The following MYO1H variants were observed in gnomAD, a reference collection of about 807,000 sequenced individuals.
MYO1H encodes the protein myosin IH.
In MYO1H, 118 loss-of-function variants were observed where a neutral mutation model predicts 149.3. The observed-to-expected ratio is 0.79, with a 90% CI of 0.68 to 0.92. The LOEUF is 0.92. Among genes scored for constraint, MYO1H ranks in the 40% least tolerant of loss-of-function variants. MYO1H has a pLI of 0.00. For synonymous variants in MYO1H, 447 were observed against 465.2 expected, an observed-to-expected ratio of 0.96 and a Z score of 0.50; for missense variants, 1,212 against 1,280.7, an observed-to-expected ratio of 0.95 and a Z score of 0.82.
At chr12:109,380,362 A>G (rs1156668011) in intron 1 of MYO1H, among the ~76,000 whole-genome samples, 1 of 151,776 alleles carries the variant, frequency 6.6e-6, no homozygotes, top group East Asian at 1.9e-4. Flanking sequence ...CAATCCGCTG[A>G]CATAAACGGT....
rs34450261 is a variant in MYO1H at position 109,374,859 on chromosome 12, A to ATTT, written c.13-13814_13-13812dup. ...ATTTCATATTTGTATTGGCCATTTG[A>ATTT]TTTTTTTTTTTTCGAGACGAAGTCT... On this transcript the variant is annotated intron_variant, in intron 1 of 31. Transcript: ENST00000310903. Among the ~76,000 whole-genome samples, 169 of 146,876 alleles carry ATTT rather than the reference A, an allele frequency of 1.2e-3. 1 individual carries two copies. Among genetic ancestry groups the ATTT allele is most frequent in the African/African-American group, 4.0e-3 (158 of 39,868 alleles).
At chr12:109,362,421 C>CT (rs1389845377) in intron 1 of MYO1H, among the ~76,000 whole-genome samples, 1 of 152,120 alleles carries the variant, frequency 6.6e-6, no homozygotes, top group Admixed American at 6.5e-5. Flanking sequence ...AAGGTACTAT[C>CT]TTTTTTAACT....
intron 25 of MYO1H, 92 bp downstream of exon 25, chr12:109,440,919 T>C (rs1435609673): frequency 1.1e-6 from 1 of 920,192 alleles, no homozygotes; most frequent in African/African-American, 1.6e-5. Flanking sequence ...ATTTCACCTA[T>C]AAGCGGGGGT....
At chr12:109,419,218 T>A (rs373738332) in intron 15 of MYO1H, among the ~76,000 whole-genome samples, 6 of 146,056 alleles carry the variant, frequency 4.1e-5, no homozygotes, top group African/African-American at 1.0e-4. Context: ...ACACACACAC[T>A]CACTCATACT....
At chr12:109,346,734 C>G (rs1184778780), upstream of MYO1H, among the ~76,000 whole-genome samples, 1 of 151,950 alleles carries the variant, frequency 6.6e-6, no homozygotes, top group Non-Finnish European at 1.5e-5. Context: ...TGTGCTCCAG[C>G]CTGGGCAACA....
At chr12:109,319,990 A>G in the MYO1H span, among the ~76,000 whole-genome samples, 1 of 152,174 alleles carries the variant, frequency 6.6e-6, no homozygotes, top group East Asian at 1.9e-4. Flanking sequence ...TATGGTAGCC[A>G]TGAACCATAC....
chr12:109,359,263 G>A (rs896397347), intron 1 of MYO1H: 1 of 152,100 alleles, frequency 6.6e-6, no homozygotes, highest in Non-Finnish European at 1.5e-5. Flanking sequence ...TTCTTTACCT[G>A]TCTCTTTGTG....
At chr12:109,356,857 A>G (rs1197230921) in intron 1 of MYO1H, among the ~76,000 whole-genome samples, 1 of 152,230 alleles carries the variant, frequency 6.6e-6, no homozygotes, top group Non-Finnish European at 1.5e-5. Context: ...CTTCATTTCA[A>G]CTGTAGAGCT....
At chr12:109,312,932 T>C in the MYO1H span, among the ~76,000 whole-genome samples, 1 of 152,006 alleles carries the variant, frequency 6.6e-6, no homozygotes, top group African/African-American at 2.4e-5. Context: ...CTAGGTGATA[T>C]TTTCTTATAA....
At position 109,358,846 on chromosome 12, in the gene MYO1H, T is replaced by TAAAAAAAAAAAA. The variant is rs541289093; in HGVS notation, c.12+10887_12+10898dup. ...TTCTGGGGGAAGCATCCTGTGGTGT[T>TAAAAAAAAAAAA]AAAAAAAAAAAAAAAAAAAAAAAAG... On this transcript the variant is annotated intron_variant, in intron 1 of 31. Transcript: ENST00000310903. Among the ~76,000 whole-genome samples, 397 of 84,510 alleles carry TAAAAAAAAAAAA rather than the reference T, an allele frequency of 4.7e-3. 16 individuals are homozygous for TAAAAAAAAAAAA. Among genetic ancestry groups the TAAAAAAAAAAAA allele is most frequent in the African/African-American group, 0.021 (381 of 17,834 alleles). The allele number at this position is 84,510 out of a possible 152,430, so 55.4% of individuals were successfully genotyped here.
rs561015109 is a variant in MYO1H, at chr12:109,401,164, C to T, written c.642C>T (p.Gly214=). ...CCCGAGTTGTCTACCAAAACGAAGG[C>T]GAGCGGAATTTCCACATCTTCTACC... Residue 214 remains glycine, a synonymous_variant, in exon 6 of 32, where the codon GGC becomes GGT. Transcript: ENST00000310903. 2.7e-5 allele frequency: 44 copies of T among 1,613,864 alleles called. No homozygotes were observed. The East Asian group carries it at 6.0e-4, about 22-fold the overall frequency.
At chr12:109,396,813 C>CTTTT in intron 4 of MYO1H, among the ~76,000 whole-genome samples, 1 of 54,480 alleles carries the variant, frequency 1.8e-5, no homozygotes, top group African/African-American at 5.8e-5. Flanking sequence ...GTTTTGGTTT[C>CTTTT]GTTTTTTTTT....
the MYO1H span, among the ~76,000 whole-genome samples, chr12:109,322,177 CTTCTT>C: frequency 6.6e-6 from 1 of 152,070 alleles, no homozygotes; most frequent in Non-Finnish European, 1.5e-5. Context: ...TTGGATCTGT[CTTCTT>C]TATAAAGATC....
intron 13 of MYO1H, among the ~76,000 whole-genome samples, chr12:109,411,012 T>G (rs1040169697): frequency 2.6e-5 from 4 of 152,110 alleles, no homozygotes; most frequent in South Asian, 2.1e-4. Flanking sequence ...CATGATGGCA[T>G]GCGCCTGTAG....
At chr12:109,395,357 C>G (rs867143642) in intron 3 of MYO1H, among the ~76,000 whole-genome samples, 2 of 152,136 alleles carry the variant, frequency 1.3e-5, no homozygotes, top group East Asian at 3.8e-4. Context: ...GTTAATAGAA[C>G]GTCTCTTGGA....
intron 1 of MYO1H, chr12:109,354,266 C>A (rs1328064309): frequency 6.6e-6 from 1 of 152,084 alleles, no homozygotes; most frequent in African/African-American, 2.4e-5. Flanking sequence ...CTTCCTTCTT[C>A]TTTTACTCTC....
chr12:109,391,682 AG>A (rs1237659472), intron 2 of MYO1H, among the ~76,000 whole-genome samples: 3 of 152,214 alleles, frequency 2.0e-5, no homozygotes, highest in African/African-American at 7.2e-5. Context: ...TCCCACCAAC[AG>A]TGTAAAAGCC....
At chr12:109,419,794 C>T (rs999778327) in intron 15 of MYO1H, among the ~76,000 whole-genome samples, 1 of 151,524 alleles carries the variant, frequency 6.6e-6, no homozygotes, top group East Asian at 1.9e-4. Flanking sequence ...CTCCTAGGCT[C>T]GAGCTATCCT....
chr12:109,426,078 G>C (rs770525976), intron 18 of MYO1H, 27 bp downstream of exon 18: 1 of 1,566,804 alleles, frequency 6.4e-7, no homozygotes, highest in Non-Finnish European at 8.8e-7. Context: ...TATGAACTGG[G>C]CTCAGGGAAA....
Sources: gnomAD v4.1 joint callset for allele counts (sites outside exome capture counted in the v4.1 genomes callset) on GRCh38, gnomAD v4.1.1 for gene constraint, MANE v1.5 for transcripts, NCBI Gene and HGNC (gene_info 2026-07-23, HGNC 2026-07-21) for gene names.